The following TAFA2 variants were observed in gnomAD, a reference collection of about 807,000 sequenced individuals.
TAFA2 encodes the protein TAFA chemokine like family member 2, also known as chemokine-like protein TAFA-2.
Under a neutral mutation model 18.8 loss-of-function variants are expected in TAFA2, and 7 were observed. The observed-to-expected ratio is 0.37, with a 90% confidence interval of 0.21 to 0.70. The LOEUF is 0.70. Among genes scored for constraint, TAFA2 ranks in the 30% least tolerant of loss-of-function variants. The pLI is 0.53. For synonymous variants in TAFA2, 60 were observed against 54.2 expected (o/e 1.11, Z -0.47); for missense variants, 122 against 158.1 (o/e 0.77, Z 1.23).
At chr12:61,850,430 G>C (rs954729031) in intron 2 of TAFA2, among the ~76,000 whole-genome samples, 7 of 151,612 alleles carry the variant, frequency 4.6e-5, no homozygotes, top group African/African-American at 1.7e-4. Context: ...CTTGTTATCT[G>C]TACAGTATCC....
At chr12:61,963,755 G>C (rs966122026) in intron 1 of TAFA2, among the ~76,000 whole-genome samples, 1 of 152,074 alleles carries the variant, frequency 6.6e-6, no homozygotes, top group Non-Finnish European at 1.5e-5. Flanking sequence ...AACCAAAAGA[G>C]AGCCCCTGTA....
At chr12:61,776,541 G>C (rs2120865013) in intron 2 of TAFA2, 1 of 151,996 alleles carries the variant, frequency 6.6e-6, no homozygotes, top group East Asian at 2.0e-4. Flanking sequence ...TCTCCTCAGT[G>C]ACAGACAGGC....
At chr12:62,243,520 TTC>T (rs2062872129) in intron 1 of TAFA2, among the ~76,000 whole-genome samples, 1 of 152,210 alleles carries the variant, frequency 6.6e-6, no homozygotes, top group African/African-American at 2.4e-5. Flanking sequence ...TGGACTGATT[TTC>T]TGTTTCATTG....
chr12:61,728,597 T>C (rs956383668), intron 4 of TAFA2, among the ~76,000 whole-genome samples: 1 of 152,020 alleles, frequency 6.6e-6, no homozygotes, highest in African/African-American at 2.4e-5. Context: ...TTCCACCCCT[T>C]TGCCTTAAGT....
At chr12:62,184,800 G>GA (rs1269518900) in intron 1 of TAFA2, among the ~76,000 whole-genome samples, 5 of 151,898 alleles carry the variant, frequency 3.3e-5, no homozygotes, top group Admixed American at 2.0e-4. Context: ...GTGCCTGGCT[G>GA]AAAAAACACT....
chr12:62,028,546 A>G (rs1002908546), intron 1 of TAFA2, among the ~76,000 whole-genome samples: 13 of 152,226 alleles, frequency 8.5e-5, no homozygotes, highest in Non-Finnish European at 1.5e-4. Flanking sequence ...GTCAAACATA[A>G]CAACACAGCA....
intron 1 of TAFA2, among the ~76,000 whole-genome samples, chr12:62,052,193 C>A (rs376113239): frequency 3.9e-5 from 2 of 51,318 alleles, no homozygotes; most frequent in Non-Finnish European, 1.1e-4. Flanking sequence ...TGTGTGCATG[C>A]GTGCGTGTGT....
chr12:62,231,152 A>C (rs1449865372), intron 1 of TAFA2, among the ~76,000 whole-genome samples: 1 of 152,156 alleles, frequency 6.6e-6, no homozygotes, highest in Non-Finnish European at 1.5e-5. Context: ...GTCCCATACT[A>C]TTACTGTATT....
chr12:61,723,387 AAATG>A (rs1325784705), intron 4 of TAFA2, among the ~76,000 whole-genome samples: 1 of 152,172 alleles, frequency 6.6e-6, no homozygotes, highest in Non-Finnish European at 1.5e-5. Flanking sequence ...ATGAATAAAT[AAATG>A]AACACGTGAA....
intron 1 of TAFA2, among the ~76,000 whole-genome samples, chr12:62,055,952 G>A (rs1412610660): frequency 6.6e-6 from 1 of 152,152 alleles, no homozygotes; most frequent in Admixed American, 6.6e-5. Context: ...ATACATAAAT[G>A]TAAGTATAAA....
At chr12:62,147,352 A>G (rs1389555310) in intron 1 of TAFA2, among the ~76,000 whole-genome samples, 29 of 124,850 alleles carry the variant, frequency 2.3e-4, no homozygotes, top group South Asian at 5.1e-4. Context: ...ATATATATAT[A>G]TATATATATA....
At chr12:62,015,192 T>G (rs995954382) in intron 1 of TAFA2, among the ~76,000 whole-genome samples, 3 of 152,216 alleles carry the variant, frequency 2.0e-5, no homozygotes, top group Non-Finnish European at 4.4e-5. Context: ...AATTTACAAC[T>G]AATATATCAT....
At chr12:62,024,783 T>TA (rs1344942214) in intron 1 of TAFA2, among the ~76,000 whole-genome samples, 2 of 151,438 alleles carry the variant, frequency 1.3e-5, no homozygotes, top group Non-Finnish European at 3.0e-5. Context: ...ATAACCCCAT[T>TA]AAAAAAATGA....
At chr12:61,714,363 T>C (rs1261203540) in intron 4 of TAFA2, among the ~76,000 whole-genome samples, 1 of 152,164 alleles carries the variant, frequency 6.6e-6, no homozygotes. Context: ...TGAACACATA[T>C]AAAATGCAGA....
intron 2 of TAFA2, among the ~76,000 whole-genome samples, chr12:61,759,311 G>T (rs1184564354): frequency 6.6e-6 from 1 of 151,990 alleles, no homozygotes; most frequent in African/African-American, 2.4e-5. Flanking sequence ...ATTTAATTTA[G>T]ATATAAGGGC....
chr12:62,003,721 A>C lies in TAFA2; in HGVS notation c.-1-136295T>G, dbSNP rs555921311. Among the ~76,000 whole-genome samples the C allele has an allele frequency of 3.9e-5, 6 of 152,350 alleles. No individual in the cohort carries two copies. In the South Asian group the frequency reaches 1.0e-3, roughly 26 times the overall value. ...CTAGGATTTAGACTCCATGAGGCAC[A>C]AAGATCTTAATCTGTCTTGTTCTCT... On this transcript the variant is annotated intron_variant, in intron 1 of 4. Transcript: ENST00000416284.
At chr12:61,973,834 C>G (rs2136668255) in intron 1 of TAFA2, among the ~76,000 whole-genome samples, 1 of 151,828 alleles carries the variant, frequency 6.6e-6, no homozygotes, top group South Asian at 2.1e-4. Context: ...GGGAAGTGAG[C>G]AGGGAGCCAA....
chr12:61,810,802 T>C (rs1871834361), intron 2 of TAFA2, among the ~76,000 whole-genome samples: 1 of 151,150 alleles, frequency 6.6e-6, no homozygotes, highest in African/African-American at 2.5e-5. Context: ...CTTCCTCCCA[T>C]TTTGGCAGTT....
At chr12:62,011,229 A>G (rs1880754245) in intron 1 of TAFA2, among the ~76,000 whole-genome samples, 1 of 152,102 alleles carries the variant, frequency 6.6e-6, no homozygotes, top group Non-Finnish European at 1.5e-5. Flanking sequence ...CTGTCTGGGA[A>G]GTGTACCCAG....
Sources: gnomAD v4.1 joint callset for allele counts (sites outside exome capture counted in the v4.1 genomes callset) on GRCh38, gnomAD v4.1.1 for gene constraint, MANE v1.5 for transcripts, NCBI Gene and HGNC (gene_info 2026-07-23, HGNC 2026-07-21) for gene names.